Variants in WASHC2C observed in about 807,000 individuals in gnomAD.
WASHC2C encodes Vaccinia Penetration Factor.
Under a neutral mutation model 142.2 loss-of-function variants are expected in WASHC2C, and 73 were observed. The observed-to-expected ratio is 0.51, with a 90% CI of 0.43 to 0.62. The LOEUF (loss-of-function observed/expected upper bound fraction) is 0.62. Ranked by LOEUF, WASHC2C falls within the 20% of genes least tolerant of loss-of-function variation. WASHC2C has a pLI of 0.00. For missense variants in WASHC2C, 969 were observed against 1,531.7 expected (o/e 0.63, Z 6.13); for synonymous variants, 337 against 565.5 (o/e 0.60, Z 5.73).
intron 21 of WASHC2C, among the ~76,000 whole-genome samples, chr10:45,775,576 G>A (rs1369287687): frequency 1.3e-5 from 2 of 149,928 alleles, no homozygotes; most frequent in Non-Finnish European, 3.0e-5. Context: ...GGTACTTTGG[G>A]TAGCATTTTC....
At chr10:45,754,066 T>C (rs1279049133) in intron 13 of WASHC2C, among the ~76,000 whole-genome samples, 1 of 151,860 alleles carries the variant, frequency 6.6e-6, no homozygotes, top group African/African-American at 2.4e-5. Context: ...TGCTCTTATG[T>C]CTTTATTTTT....
intron 21 of WASHC2C, among the ~76,000 whole-genome samples, chr10:45,775,872 G>A (rs2057033705): frequency 1.3e-5 from 2 of 151,946 alleles, no homozygotes; most frequent in East Asian, 3.9e-4. Context: ...AGTAGAGACG[G>A]GGTTTCACTT....
Position 45,727,434 on chromosome 10 carries a change from C to G in WASHC2C, c.21C>G (p.Pro7=), listed in dbSNP as rs371473474. 966 of 1,611,438 alleles carry G rather than the reference C, an allele frequency of 6.0e-4. 4 individuals are homozygous for G. In the African/African-American group the frequency reaches 8.3e-3, roughly 14 times the overall value. Residue 7 remains proline (P), a synonymous_variant, in exon 2 of 31, where the codon CCC becomes CCG. Coordinates refer to ENST00000623400, the MANE Select transcript of WASHC2C (RefSeq NM_001330074.2). MMNRTT[P]DQELVPASEP... The stretch of plus-strand genomic sequence containing the variant: ...CGCTGCAGATGAACCGGACGACCCC[C>G]GACCAGGAGCTGGTGCCGGCGTCGG...
chr10:45,771,132 C>T (rs1320171662), intron 20 of WASHC2C, among the ~76,000 whole-genome samples: 5 of 151,648 alleles, frequency 3.3e-5, no homozygotes, highest in Admixed American at 6.6e-5. Context: ...TTGGGGAGGC[C>T]GAGGCAGGCA....
chr10:45,770,909 G>T (rs1447719472), intron 20 of WASHC2C, among the ~76,000 whole-genome samples: 2 of 152,154 alleles, frequency 1.3e-5, no homozygotes, highest in Admixed American at 6.5e-5. Context: ...AATGTGAAAC[G>T]CTGAGCACAA....
chr10:45,790,523 T>A lies in WASHC2C; in HGVS notation c.3876T>A (p.Asp1292Glu). Residue 1292 changes from aspartate (D) to glutamate (E), a missense_variant, in exon 30 of 31, where the codon GAT becomes GAA. Asp to Glu is a conservative substitution (Grantham distance 45, BLOSUM62 2). Coordinates refer to ENST00000623400, the MANE Select transcript of WASHC2C (RefSeq NM_001330074.2). ...AAGTGGAAGCCAAGTCTATATTTGA[T>A]GATGATATGGGTAAGTTTGGTTTTC... Reference protein sequence around the residue: ...KKKVEAKSIFDDDMDDIFSTG... With the variant: ...KKKVEAKSIFEDDMDDIFSTG... The A allele has an allele frequency of 1.2e-6, 2 of 1,611,828 alleles. No homozygotes were observed. Among genetic ancestry groups the A allele is most frequent in the Non-Finnish European group, 1.7e-6 (2 of 1,179,808 alleles).
chr10:45,727,713 G>A (rs1047833812), intron 2 of WASHC2C, among the ~76,000 whole-genome samples, 174 bp downstream of exon 2: 1 of 152,172 alleles, frequency 6.6e-6, no homozygotes, highest in Non-Finnish European at 1.5e-5. Flanking sequence ...CGGCCACCAG[G>A]GAGAGGGGCA....
intron 27 of WASHC2C, 26 bp from the exon 28 acceptor site, chr10:45,787,009 T>G (rs1363666272): frequency 1.9e-6 from 3 of 1,578,378 alleles, no homozygotes. Context: ...GAAGAACAAA[T>G]ACAGAGTTTC....
At chr10:45,758,511 T>C (rs1255245212) in intron 16 of WASHC2C, among the ~76,000 whole-genome samples, 3 of 152,228 alleles carry the variant, frequency 2.0e-5, no homozygotes, top group Non-Finnish European at 4.4e-5. Context: ...AATAAAGTTC[T>C]TTCTCTCCCC....
intron 19 of WASHC2C, among the ~76,000 whole-genome samples, 168 bp from the exon 20 acceptor site, chr10:45,769,263 TCCCGCCACCACGCCCGGC>T (rs2056312729): frequency 1.3e-5 from 2 of 150,890 alleles, no homozygotes; most frequent in Admixed American, 6.6e-5. Context: ...GACTACAGGC[TCCCGCCACCACGCCCGGC>T]TAATTTTCTT....
intron 20 of WASHC2C, among the ~76,000 whole-genome samples, chr10:45,769,969 G>A (rs538141961): frequency 1.7e-4 from 26 of 151,992 alleles, no homozygotes; most frequent in Admixed American, 7.2e-4. Flanking sequence ...GGCCAGGCAC[G>A]TTGGCTCACG....
intron 3 of WASHC2C, among the ~76,000 whole-genome samples, chr10:45,732,376 T>C (rs1188520210): frequency 1.1e-4 from 16 of 152,178 alleles, no homozygotes; most frequent in African/African-American, 3.6e-4. Context: ...AAGAGGGGAC[T>C]TGGAGGGAGA....
intron 30 of WASHC2C, among the ~76,000 whole-genome samples, chr10:45,791,585 A>G (rs1407010729): frequency 6.2e-5 from 9 of 145,790 alleles, no homozygotes; most frequent in African/African-American, 2.3e-4. Flanking sequence ...CGATTTCTTT[A>G]TATTTAGCCA....
At chr10:45,740,331 CT>C (rs1433860883) in intron 5 of WASHC2C, 85 bp downstream of exon 5, 10 of 549,892 alleles carry the variant, frequency 1.8e-5, no homozygotes, top group Admixed American at 1.2e-4. Flanking sequence ...AAGTCATGGA[CT>C]TAACCTCTGG....
chr10:45,762,644 G>A (rs2055263757), intron 17 of WASHC2C, among the ~76,000 whole-genome samples: 1 of 152,232 alleles, frequency 6.6e-6, no homozygotes, highest in Non-Finnish European at 1.5e-5. Context: ...GGTGGCTCAA[G>A]CCTGTAATCC....
intron 7 of WASHC2C, among the ~76,000 whole-genome samples, chr10:45,745,391 T>G (rs1412285128): frequency 1.3e-5 from 2 of 152,284 alleles, no homozygotes; most frequent in East Asian, 1.9e-4. Context: ...TTTGAGTCTG[T>G]GGGCCTTGAC....
At chr10:45,762,137 T>C (rs1589786656) in intron 17 of WASHC2C, among the ~76,000 whole-genome samples, 1 of 152,032 alleles carries the variant, frequency 6.6e-6, no homozygotes, top group East Asian at 1.9e-4. Context: ...TTCTACTTCA[T>C]GTAGGTCAAC....
chr10:45,777,217 G>A lies in WASHC2C; in HGVS notation c.2143-56G>A. 2.4e-6 allele frequency: 3 copies of A among 1,233,044 alleles called. No individual in the cohort carries two copies. In the South Asian group the frequency reaches 3.9e-5, roughly 16 times the overall value. 76.4% of individuals were successfully genotyped at this position (1,233,044 alleles called of 1,614,324 possible). On this transcript the variant is annotated intron_variant, in intron 21 of 30. Transcript: ENST00000623400. Reference sequence around the variant, plus strand: ...TTGGGCTTGTTCTGTATATGGCCATGCTGGTCAGACACACTTTTTTATTGT... The same window carrying A: ...TTGGGCTTGTTCTGTATATGGCCATACTGGTCAGACACACTTTTTTATTGT...
intron 30 of WASHC2C, among the ~76,000 whole-genome samples, chr10:45,790,952 C>T (rs1448106800): frequency 6.6e-6 from 1 of 152,030 alleles, no homozygotes; most frequent in Non-Finnish European, 1.5e-5. Context: ...TGGTTCTGTG[C>T]GAGAAGAGAG....
Sources: gnomAD v4.1 joint callset for allele counts (sites outside exome capture counted in the v4.1 genomes callset) on GRCh38, gnomAD v4.1.1 for gene constraint, MANE v1.5 for transcripts, NCBI Gene and HGNC (gene_info 2026-07-23, HGNC 2026-07-21) for gene names.